The following PCDHGA7 variants were observed in gnomAD, a reference collection of about 807,000 sequenced individuals.
The protein encoded by PCDHGA7 is protocadherin gamma-A7.
A neutral mutation model predicts 58.3 loss-of-function variants in PCDHGA7; 44 were observed. The observed-to-expected ratio is 0.75, with a 90% CI of 0.59 to 0.97. PCDHGA7 has a LOEUF of 0.97. Among genes scored for constraint, PCDHGA7 ranks in the 50% least tolerant of loss-of-function variants. The pLI is 0.00. For synonymous variants in PCDHGA7, 516 were observed against 504.2 expected, an observed-to-expected ratio of 1.02 and a Z score of -0.31; for missense variants, 1,266 against 1,188.7, an observed-to-expected ratio of 1.06 and a Z score of -0.96.
chr5:141,387,840 C>A, intron 1 of PCDHGA7: 1 of 1,597,864 alleles, frequency 6.3e-7, no homozygotes, highest in African/African-American at 1.3e-5. Context: ...TTATTTGTAA[C>A]CCGGCGTCTC....
intron 1 of PCDHGA7, chr5:141,478,112 G>A (rs2099430344): frequency 1.2e-6 from 2 of 1,613,968 alleles, no homozygotes; most frequent in South Asian, 2.2e-5. Flanking sequence ...CACTGTGTCA[G>A]TAACCGAGGA....
At position 141,477,210 on chromosome 5, in the gene PCDHGA7, C is replaced by G. The variant is rs780852225; in HGVS notation, c.2425-17597C>G. 1.2e-6 allele frequency: 2 copies of G among 1,614,142 alleles called. No individual in the cohort carries two copies. The highest frequency in any genetic ancestry group is 1.7e-6 in the Non-Finnish European group (2 of 1,180,030). On this transcript the variant is annotated intron_variant, in intron 1 of 3. Coordinates refer to ENST00000518325, the MANE Select transcript of PCDHGA7 (RefSeq NM_018920.4). The surrounding 1 kb of genome is among the most constrained non-coding windows in gnomAD (Gnocchi z 4.9). ...GTGTACAGCCCAGTACCCGAGGATG[C>G]CCCTCTGGGGACTGTCATCGCTTTG...
chr5:141,489,896 C>T lies in PCDHGA7; in HGVS notation c.2425-4911C>T, dbSNP rs765318875. 3 of 1,614,180 alleles carry T rather than the reference C, an allele frequency of 1.9e-6. No homozygotes were observed. The highest frequency in any genetic ancestry group is 1.3e-5 in the African/African-American group (1 of 75,066). On this transcript the variant is annotated intron_variant, in intron 1 of 3. Coordinates refer to ENST00000518325, the MANE Select transcript of PCDHGA7 (RefSeq NM_018920.4). The surrounding 1 kb of genome is among the most constrained non-coding windows in gnomAD (Gnocchi z 4.5). ...GTGCTTACTGCTGTGGATGGGGGGA[C>T]CCCAGCCCGCTCAGGGACCACCCTT...
chr5:141,469,394 G>A lies in PCDHGA7; in HGVS notation c.2425-25413G>A, dbSNP rs550152670. Among the ~76,000 whole-genome samples the A allele has an allele frequency of 2.5e-4, 38 of 152,198 alleles. 1 individual carries two copies. The highest frequency in any genetic ancestry group is 8.4e-4 in the African/African-American group (35 of 41,514). On this transcript the variant is annotated intron_variant, in intron 1 of 3. Coordinates refer to ENST00000518325, the MANE Select transcript of PCDHGA7 (RefSeq NM_018920.4). ...GATCGAGACCATCCTGGCCAACATG[G>A]TGAAACCCCGTTTCTACTAAAAATA...
At chr5:141,461,602 A>G (rs971808608) in intron 1 of PCDHGA7, among the ~76,000 whole-genome samples, 2 of 152,172 alleles carry the variant, frequency 1.3e-5, no homozygotes, top group African/African-American at 4.8e-5. Flanking sequence ...ATTATAATTT[A>G]GTTCAAAGTA....
At chr5:141,397,546 T>C (rs576089094) in intron 1 of PCDHGA7, among the ~76,000 whole-genome samples, 2 of 152,300 alleles carry the variant, frequency 1.3e-5, no homozygotes, top group South Asian at 2.1e-4. Flanking sequence ...GAAATCAGTA[T>C]AGTATGAAGG....
chr5:141,436,220 T>C (rs1179034537), intron 1 of PCDHGA7, among the ~76,000 whole-genome samples: 2 of 152,096 alleles, frequency 1.3e-5, no homozygotes, highest in Non-Finnish European at 2.9e-5. Flanking sequence ...ACAAATGACT[T>C]GGGAAACTAA....
At chr5:141,386,520 G>A (rs976508801) in intron 1 of PCDHGA7, among the ~76,000 whole-genome samples, 1 of 144 alleles carries the variant, frequency 6.9e-3, no homozygotes, top group South Asian at 0.5. Context: ...TTCAAAAAAA[G>A]ACTCTTTTTA....
intron 1 of PCDHGA7, chr5:141,404,365 C>A: frequency 6.2e-7 from 1 of 1,613,936 alleles, no homozygotes; most frequent in South Asian, 1.1e-5. Context: ...GTACTTCCAT[C>A]TTCTCCGTGA....
chr5:141,393,057 G>A lies in PCDHGA7; in HGVS notation c.2424+7734G>A, dbSNP rs1273747847. On this transcript the variant is annotated intron_variant, in intron 1 of 3. Transcript: ENST00000518325. ...GCTCTTTGCTCTGAACCCGCGCAGC[G>A]GCAGCTTGATCACCGCGGGCAGGAT... 6 of 1,613,514 alleles carry A rather than the reference G, an allele frequency of 3.7e-6. No homozygotes were observed. The African/African-American group carries it at 4.0e-5, about 11-fold the overall frequency.
intron 1 of PCDHGA7, chr5:141,478,753 G>A (rs2099475642): frequency 2.0e-6 from 3 of 1,519,424 alleles, no homozygotes; most frequent in Admixed American, 2.1e-5. Context: ...ATTTCAGGGG[G>A]AAGATACTTG....
intron 1 of PCDHGA7, chr5:141,394,981 G>T: frequency 6.2e-7 from 1 of 1,613,964 alleles, no homozygotes; most frequent in Non-Finnish European, 8.5e-7. Flanking sequence ...CACAAGTCAC[G>T]CCTGCTCCAG....
chr5:141,424,556 G>C (rs2096828013), intron 1 of PCDHGA7: 1 of 152,128 alleles, frequency 6.6e-6, no homozygotes, highest in South Asian at 2.1e-4. Context: ...TTGATTCAGT[G>C]CTTCTCAAAA....
chr5:141,476,665 C>T lies in PCDHGA7; in HGVS notation c.2425-18142C>T. On this transcript the variant is annotated intron_variant, in intron 1 of 3. Coordinates refer to ENST00000518325, the MANE Select transcript of PCDHGA7 (RefSeq NM_018920.4). This position sits in a 1 kb window ranked among gnomAD's most constrained non-coding sequence, Gnocchi z 7.6. ...GCCGAAATGAATACTTTGCGCTTCG[C>T]GTGCAGACGCGGGAGGACAGCACCA... 6.2e-7 allele frequency: 1 copy of T among 1,614,240 alleles called. No homozygotes were observed. Among genetic ancestry groups the T allele is most frequent in the East Asian group, 2.2e-5 (1 of 44,882 alleles).
chr5:141,385,239 C>A lies in PCDHGA7; in HGVS notation c.2340C>A (p.Ile780=), dbSNP rs367668432. The change falls in exon 1 of 4, where the codon ATC becomes ATA. Residue 780 remains isoleucine (I), a synonymous_variant. Transcript: ENST00000518325. ...AGCCCAACTATGTAGACATGCTCAT[C>A]AGCCAGGAGAGCTGTGAGAAAAATG... ...FPQPNYVDML[I]SQESCEKNDS... 4 of 1,613,960 alleles carry A rather than the reference C, an allele frequency of 2.5e-6. No individual in the cohort carries two copies. The African/African-American group carries it at 5.3e-5, about 22-fold the overall frequency.
At chr5:141,481,318 A>C (rs758947998) in intron 1 of PCDHGA7, among the ~76,000 whole-genome samples, 6 of 152,216 alleles carry the variant, frequency 3.9e-5, no homozygotes, top group Non-Finnish European at 8.8e-5. Context: ...TTCCTAAAGC[A>C]CTAGCCCCTG....
intron 1 of PCDHGA7, chr5:141,421,478 G>C: frequency 6.2e-7 from 1 of 1,614,130 alleles, no homozygotes. Context: ...CGAAGCGGCA[G>C]CTTGATCACG....
At chr5:141,438,960 C>A (rs1398478011) in intron 1 of PCDHGA7, among the ~76,000 whole-genome samples, 1 of 151,940 alleles carries the variant, frequency 6.6e-6, no homozygotes, top group Non-Finnish European at 1.5e-5. Flanking sequence ...GCCACCGCAC[C>A]CTGCCAACTG....
At chr5:141,416,217 G>A (rs1224952837) in intron 1 of PCDHGA7, 1 of 152,288 alleles carries the variant, frequency 6.6e-6, no homozygotes, top group Non-Finnish European at 1.5e-5. Flanking sequence ...AACAATGTAT[G>A]CTTAGATTTT....
Sources: allele counts gnomAD v4.1 joint callset (sites outside exome capture counted in the v4.1 genomes callset), GRCh38; gene constraint gnomAD v4.1.1; non-coding constraint Gnocchi (gnomAD v3.1); transcripts MANE v1.5; gene names NCBI Gene and HGNC (gene_info 2026-07-23, HGNC 2026-07-21).